LRIF1: variants seen among roughly 807,000 people sequenced by gnomAD.
The protein encoded by LRIF1 is ligand-dependent nuclear receptor-interacting factor 1.
A neutral mutation model predicts 52.7 loss-of-function variants in LRIF1; 32 were observed. The observed-to-expected ratio is 0.61, with a 90% CI of 0.46 to 0.82. The LOEUF (loss-of-function observed/expected upper bound fraction) is 0.82, where lower values mean the gene tolerates loss of function less well. Among genes scored for constraint, LRIF1 ranks in the 40% least tolerant of loss-of-function variants. The pLI, the probability that LRIF1 is intolerant of heterozygous loss-of-function variation, is 0.00. For synonymous variants in LRIF1, 323 were observed against 317.4 expected, an observed-to-expected ratio of 1.02 and a Z score of -0.19; for missense variants, 887 against 892.0, an observed-to-expected ratio of 0.99 and a Z score of 0.07.
the LRIF1 span, among the ~76,000 whole-genome samples, chr1:110,911,504 A>C: frequency 6.6e-6 from 1 of 152,176 alleles, no homozygotes; most frequent in African/African-American, 2.4e-5. Context: ...CTCATTCTAC[A>C]AGGCCAGCAT....
At chr1:110,933,511 C>T in the LRIF1 span, among the ~76,000 whole-genome samples, 6 of 152,098 alleles carry the variant, frequency 3.9e-5, no homozygotes, top group Non-Finnish European at 7.4e-5. Flanking sequence ...GTGTAGAGGC[C>T]AGGTTGTGTG....
At chr1:110,919,512 C>T in the LRIF1 span, among the ~76,000 whole-genome samples, 2 of 152,162 alleles carry the variant, frequency 1.3e-5, no homozygotes, top group East Asian at 3.9e-4. Context: ...TAAGTTAATA[C>T]TTATTAAACT....
At chr1:110,960,073 T>A (rs921022690) in intron 1 of LRIF1, among the ~76,000 whole-genome samples, 3 of 152,196 alleles carry the variant, frequency 2.0e-5, no homozygotes, top group Non-Finnish European at 4.4e-5. Context: ...ATACCAGTTG[T>A]TACTAACTCT....
the LRIF1 span, among the ~76,000 whole-genome samples, chr1:110,905,718 A>T: frequency 6.6e-6 from 1 of 152,238 alleles, no homozygotes; most frequent in Non-Finnish European, 1.5e-5. Context: ...GGTAATAGTA[A>T]GTACACAAAA....
At chr1:110,877,552 A>G in the LRIF1 span, among the ~76,000 whole-genome samples, 2 of 152,194 alleles carry the variant, frequency 1.3e-5, no homozygotes, top group Non-Finnish European at 2.9e-5. Context: ...GTATCTTGCT[A>G]AGCTCCCACA....
the LRIF1 span, among the ~76,000 whole-genome samples, chr1:110,904,931 G>T: frequency 6.6e-6 from 1 of 152,160 alleles, no homozygotes; most frequent in Non-Finnish European, 1.5e-5. Flanking sequence ...TAAATTTAAT[G>T]AAGAGATTAA....
the LRIF1 span, among the ~76,000 whole-genome samples, chr1:110,919,794 G>A: frequency 6.6e-6 from 1 of 152,126 alleles, no homozygotes; most frequent in African/African-American, 2.4e-5. Flanking sequence ...AATATTTGCA[G>A]GCACATCTGA....
the LRIF1 span, among the ~76,000 whole-genome samples, chr1:110,888,187 C>G: frequency 6.6e-6 from 1 of 152,134 alleles, no homozygotes; most frequent in Non-Finnish European, 1.5e-5. Context: ...TACTTCTGAC[C>G]TTCAGAACTG....
In LRIF1 at chr1:110,952,252, G is replaced by A. The variant is rs369628997; in HGVS notation, c.632C>T (p.Ala211Val). The change falls in exon 2 of 4, where the codon GCA (alanine) becomes GTA (valine). Residue 211 changes from alanine (A) to valine (V), a missense_variant. By Grantham distance (64) the Ala-to-Val change is moderately conservative. Transcript: ENST00000369763. ...LPPSVQQKIL[A>V]TATTSTSGMV... ...TCCTGAGGTACTGGTGGTGGCAGTT[G>A]CAAGTATCTTTTGCTGCACTGAAGG... 20 of 1,614,092 alleles carry A rather than the reference G, an allele frequency of 1.2e-5. 1 individual carries two copies. Among genetic ancestry groups the A allele is most frequent in the South Asian group, 3.3e-5 (3 of 91,086 alleles).
the LRIF1 span, chr1:110,894,207 G>A: frequency 1.3e-6 from 1 of 785,938 alleles, no homozygotes; most frequent in Admixed American, 2.1e-5. Context: ...ACAACGGCCT[G>A]AGGAGGCAGA....
the LRIF1 span, among the ~76,000 whole-genome samples, chr1:110,898,728 G>A: frequency 6.6e-6 from 1 of 151,936 alleles, no homozygotes; most frequent in East Asian, 1.9e-4. Flanking sequence ...GTATATCATA[G>A]ATTAGTTAAA....
the LRIF1 span, among the ~76,000 whole-genome samples, chr1:110,898,156 T>C: frequency 5.9e-5 from 9 of 152,176 alleles, no homozygotes; most frequent in Non-Finnish European, 1.2e-4. Context: ...GGCAGGCAGA[T>C]CACGAGGTCA....
the LRIF1 span, among the ~76,000 whole-genome samples, chr1:110,880,855 G>A: frequency 6.6e-6 from 1 of 152,138 alleles, no homozygotes; most frequent in Non-Finnish European, 1.5e-5. Flanking sequence ...ACTCCTTAGG[G>A]CAAGTGAGGG....
At chr1:110,916,838 A>G in the LRIF1 span, among the ~76,000 whole-genome samples, 1 of 152,236 alleles carries the variant, frequency 6.6e-6, no homozygotes, top group Non-Finnish European at 1.5e-5. Context: ...GTCACTTTAT[A>G]ATGAGAAAAC....
the LRIF1 span, among the ~76,000 whole-genome samples, chr1:110,931,829 GTTGT>G: frequency 1.1e-4 from 17 of 152,078 alleles, no homozygotes; most frequent in South Asian, 1.5e-3. Flanking sequence ...TTTTGTTGGA[GTTGT>G]TTGTTTTTTT....
chr1:110,881,738 G>A, the LRIF1 span, among the ~76,000 whole-genome samples: 1 of 152,162 alleles, frequency 6.6e-6, no homozygotes, highest in African/African-American at 2.4e-5. Context: ...GTGTATAAGA[G>A]TTCCAGTTTC....
chr1:110,962,061 T>TACACACACACGTACACACAC (rs1553212100), intron 1 of LRIF1, among the ~76,000 whole-genome samples: 3 of 143,790 alleles, frequency 2.1e-5, no homozygotes, highest in African/African-American at 7.8e-5. Context: ...GAGTTAAGGG[T>TACACACACACGTACACACAC]ACACACACAC....
At chr1:110,954,388 C>T (rs1658609555) in intron 1 of LRIF1, among the ~76,000 whole-genome samples, 1 of 152,126 alleles carries the variant, frequency 6.6e-6, no homozygotes, top group Non-Finnish European at 1.5e-5. Context: ...TCAAGCTATC[C>T]TTCTACCTCA....
In LRIF1 at chr1:110,949,920, A is replaced by AT; in HGVS notation, c.1799_1800insA (p.Phe600LeufsTer2). 1 of 1,614,142 alleles carries AT rather than the reference A, an allele frequency of 6.2e-7. No individual in the cohort carries two copies. Among genetic ancestry groups the AT allele is most frequent in the Non-Finnish European group, 8.5e-7 (1 of 1,180,006 alleles). ...AAGTACCACTCTTTACCAAACTGCT[A>AT]AAGGAATCGAAACCTTCTCCAGAGG... On this transcript the variant is annotated frameshift_variant, in exon 3 of 4. Transcript: ENST00000369763. LOFTEE classifies it high-confidence loss of function.
Sources: allele counts gnomAD v4.1 joint callset (sites outside exome capture counted in the v4.1 genomes callset), GRCh38; gene constraint gnomAD v4.1.1; transcripts MANE v1.5; gene names NCBI Gene and HGNC (gene_info 2026-07-23, HGNC 2026-07-21).